Variants in NFIA observed in about 807,000 individuals in gnomAD.
NFIA encodes the protein nuclear factor I A.
In NFIA, 8 loss-of-function variants were observed where a neutral mutation model predicts 62.8. That is an observed-to-expected ratio of 0.13 (90% CI 0.07 to 0.23). The LOEUF (loss-of-function observed/expected upper bound fraction) is 0.23, where lower values mean the gene tolerates loss of function less well. Ranked by LOEUF, NFIA falls within the 10% of genes least tolerant of loss-of-function variation. NFIA has a pLI of 1.00. For missense variants in NFIA, 410 were observed against 642.1 expected, an observed-to-expected ratio of 0.64 and a Z score of 3.91; for synonymous variants, 235 against 238.1, an observed-to-expected ratio of 0.99 and a Z score of 0.12.
In NFIA at chr1:61,432,163, G is replaced by A. The variant is rs576137733; in HGVS notation, c.1512+5607G>A. On this transcript the variant is annotated intron_variant, in intron 10 of 10. Transcript: ENST00000403491. The stretch of plus-strand genomic sequence containing the variant: ...GCAGAAGAGGCTGGATAGTTTTTCT[G>A]TCCTTGTCCTTGTCTAGCTTGGGCC... Among the ~76,000 whole-genome samples, 9 of 151,740 alleles carry A rather than the reference G, an allele frequency of 5.9e-5. No homozygotes were observed. The South Asian group carries it at 1.9e-3, about 32-fold the overall frequency.
intron 7 of NFIA, among the ~76,000 whole-genome samples, chr1:61,403,375 C>G (rs1462776178): frequency 1.3e-5 from 2 of 151,998 alleles, no homozygotes; most frequent in Non-Finnish European, 2.9e-5. Flanking sequence ...TGAAATTTAC[C>G]AGGGTTCAAA....
chr1:61,176,962 T>A (rs781292724), intron 2 of NFIA, among the ~76,000 whole-genome samples: 10 of 151,894 alleles, frequency 6.6e-5, no homozygotes, highest in African/African-American at 1.7e-4. Flanking sequence ...AAAAATTAGC[T>A]GGGCATGGTG....
At chr1:61,214,825 A>G (rs898674556) in intron 2 of NFIA, among the ~76,000 whole-genome samples, 2 of 152,252 alleles carry the variant, frequency 1.3e-5, no homozygotes, top group African/African-American at 4.8e-5. Flanking sequence ...AGTAGCCAGT[A>G]TAACAAATGG....
chr1:61,318,591 A>G (rs1012695158), intron 3 of NFIA, among the ~76,000 whole-genome samples: 15 of 152,218 alleles, frequency 9.9e-5, no homozygotes, highest in African/African-American at 3.6e-4. Flanking sequence ...CAACACCCAT[A>G]TAGTTGCTCT....
chr1:61,145,265 C>T (rs1647841838), intron 2 of NFIA, among the ~76,000 whole-genome samples: 1 of 152,152 alleles, frequency 6.6e-6, no homozygotes, highest in Non-Finnish European at 1.5e-5. Flanking sequence ...AACCTGATTT[C>T]ACTGGTATTC....
intron 10 of NFIA, among the ~76,000 whole-genome samples, chr1:61,450,608 C>T (rs1668014757): frequency 1.3e-5 from 2 of 152,120 alleles, no homozygotes; most frequent in Admixed American, 6.5e-5. Context: ...TGCACATTTC[C>T]GTTTTATGTG....
intron 3 of NFIA, among the ~76,000 whole-genome samples, chr1:61,297,709 T>G (rs1039253101): frequency 6.6e-6 from 1 of 152,162 alleles, no homozygotes; most frequent in Non-Finnish European, 1.5e-5. Flanking sequence ...ATGCAGGTGA[T>G]AGGCAGGTTT....
chr1:61,141,577 G>T (rs769607757), intron 2 of NFIA, among the ~76,000 whole-genome samples: 2 of 152,184 alleles, frequency 1.3e-5, no homozygotes, highest in Non-Finnish European at 2.9e-5. Context: ...GTGATGCCAA[G>T]AAAAAGGAAT....
intron 2 of NFIA, among the ~76,000 whole-genome samples, chr1:61,222,008 CTG>C (rs772947651): frequency 6.6e-6 from 1 of 152,206 alleles, no homozygotes; most frequent in Non-Finnish European, 1.5e-5. Context: ...CAAAAGCACT[CTG>C]AACTCTGTAC....
At chr1:61,125,348 G>A (rs1246363366) in intron 2 of NFIA, 1 of 152,304 alleles carries the variant, frequency 6.6e-6, no homozygotes, top group South Asian at 2.1e-4. Flanking sequence ...GTCCCGATTA[G>A]TAGTTCTGTT....
chr1:61,165,794 G>C lies in NFIA; in HGVS notation c.559+77114G>C, dbSNP rs140730921. On this transcript the variant is annotated intron_variant, in intron 2 of 10. Transcript: ENST00000403491. ...AAGGGTTACTCCTCAATATTACTAT[G>C]ATAAGTTTAGGGTCTGTGAGTTGGC... 9.2e-3 allele frequency among the ~76,000 whole-genome samples: 1,395 copies of C among 152,256 alleles called. 17 individuals are homozygous for C. The highest frequency in any genetic ancestry group is 0.061 in the Middle Eastern group (18 of 294).
chr1:61,213,933 C>T (rs1326445796), intron 2 of NFIA, among the ~76,000 whole-genome samples: 4 of 152,080 alleles, frequency 2.6e-5, no homozygotes, highest in Admixed American at 6.5e-5. Flanking sequence ...TTGTACTTTT[C>T]ATGAGTAGCA....
intron 3 of NFIA, among the ~76,000 whole-genome samples, chr1:61,295,863 C>G (rs1326323581): frequency 1.3e-5 from 2 of 152,166 alleles, no homozygotes; most frequent in Non-Finnish European, 2.9e-5. Flanking sequence ...CCCAGGTCCC[C>G]TGGACAATGC....
intron 4 of NFIA, among the ~76,000 whole-genome samples, chr1:61,348,068 T>C (rs564321960): frequency 1.3e-5 from 2 of 152,322 alleles, no homozygotes; most frequent in East Asian, 3.9e-4. Context: ...AAAGCCCACC[T>C]CTTCAGTTCT....
intron 4 of NFIA, among the ~76,000 whole-genome samples, chr1:61,334,864 CCTT>C (rs1661516765): frequency 6.6e-6 from 1 of 151,976 alleles, no homozygotes; most frequent in South Asian, 2.1e-4. Flanking sequence ...CTCTCCTCCT[CCTT>C]CCACTCCCTG....
At chr1:61,202,276 A>G (rs78703061) in intron 2 of NFIA, among the ~76,000 whole-genome samples, 4,753 of 152,262 alleles carry the variant, frequency 0.031, 132 homozygotes, top group Middle Eastern at 0.065. Context: ...ACTGTGGTCA[A>G]TTTTGGGGAA....
chr1:61,235,292 C>G (rs957647123), intron 2 of NFIA, among the ~76,000 whole-genome samples: 32 of 151,824 alleles, frequency 2.1e-4, no homozygotes, highest in Non-Finnish European at 3.5e-4. Context: ...GAAACCCCGT[C>G]TCTACTAAAA....
chr1:61,211,315 G>C (rs975356748), intron 2 of NFIA, among the ~76,000 whole-genome samples: 7 of 152,156 alleles, frequency 4.6e-5, no homozygotes, highest in African/African-American at 1.4e-4. Context: ...ATATTTAGAA[G>C]ATTCTGGTTC....
chr1:61,396,192 A>G (rs1353021412), intron 7 of NFIA, among the ~76,000 whole-genome samples: 1 of 152,138 alleles, frequency 6.6e-6, no homozygotes. Context: ...AAATATTCCT[A>G]AAAAATGCCC....
Sources: allele counts gnomAD v4.1 joint callset (sites outside exome capture counted in the v4.1 genomes callset), GRCh38; gene constraint gnomAD v4.1.1; transcripts MANE v1.5; gene names NCBI Gene and HGNC (gene_info 2026-07-23, HGNC 2026-07-21).